Variants in FAM81A observed in about 807,000 individuals in gnomAD.
FAM81A encodes the protein protein FAM81A.
A neutral mutation model predicts 46.7 loss-of-function variants in FAM81A; 19 were observed. That is an observed-to-expected ratio of 0.41 (90% confidence interval 0.28 to 0.60). FAM81A has a LOEUF of 0.60. Ranked by LOEUF, FAM81A falls within the 20% of genes least tolerant of loss-of-function variation. The pLI, the probability that FAM81A is intolerant of heterozygous loss-of-function variation, is 0.34. For missense variants in FAM81A, 377 were observed against 453.5 expected, an observed-to-expected ratio of 0.83 and a Z score of 1.53; for synonymous variants, 183 against 152.9, an observed-to-expected ratio of 1.20 and a Z score of -1.45.
chr15:59,439,315 C>A (rs1305911810), intron 1 of FAM81A, among the ~76,000 whole-genome samples: 1 of 151,690 alleles, frequency 6.6e-6, no homozygotes, highest in African/African-American at 2.4e-5. Context: ...TAAATATATT[C>A]TTTATTGAGA....
chr15:59,508,883 A>G lies in FAM81A; in HGVS notation c.564A>G (p.Arg188=), dbSNP rs1405083859. 2 of 1,613,138 alleles carry G rather than the reference A, an allele frequency of 1.2e-6. No homozygotes were observed. The highest frequency in any genetic ancestry group is 2.7e-5 in the African/African-American group (2 of 74,928). The change falls in exon 6 of 9, where the codon AGA becomes AGG. Residue 188 remains arginine, a synonymous_variant. Transcript: ENST00000288228. ...AEGQISQLLN[R]VDLSISEQST... is the part of the protein sequence containing the mutation. ...TCCAGATTTCTCAGCTTTTGAACAG[A>G]GTGGACTTGTCAATATCAGAGCAGA...
chr15:59,427,109 T>C (rs1325248523), intron 2 of FAM81A, among the ~76,000 whole-genome samples: 3 of 152,172 alleles, frequency 2.0e-5, no homozygotes, highest in African/African-American at 7.2e-5. Context: ...TTTTATTTTA[T>C]TTTATTTTTT....
At chr15:59,515,416 G>C (rs1341376894) in intron 7 of FAM81A, among the ~76,000 whole-genome samples, 1 of 152,124 alleles carries the variant, frequency 6.6e-6, no homozygotes, top group African/African-American at 2.4e-5. Flanking sequence ...GAGCTGAAAT[G>C]ACTGGTGCAG....
intron 4 of FAM81A, among the ~76,000 whole-genome samples, chr15:59,506,667 C>T (rs1008662625): frequency 6.6e-6 from 1 of 152,222 alleles, no homozygotes; most frequent in Non-Finnish European, 1.5e-5. Flanking sequence ...GCCACACATA[C>T]TTTGAGTACC....
At chr15:59,480,225 G>A (rs2081832563) in intron 3 of FAM81A, among the ~76,000 whole-genome samples, 1 of 152,152 alleles carries the variant, frequency 6.6e-6, no homozygotes, top group Non-Finnish European at 1.5e-5. Context: ...CTTATAATTC[G>A]CTGCTCTGCT....
At chr15:59,453,836 G>T (rs1321956493) in intron 1 of FAM81A, among the ~76,000 whole-genome samples, 2 of 152,110 alleles carry the variant, frequency 1.3e-5, no homozygotes, top group African/African-American at 4.8e-5. Flanking sequence ...AATGAGAAGT[G>T]CTAGGTGAAT....
chr15:59,520,334 A>G (rs2082314696), intron 8 of FAM81A, among the ~76,000 whole-genome samples: 1 of 152,052 alleles, frequency 6.6e-6, no homozygotes, highest in African/African-American at 2.4e-5. Context: ...TAGCCATCCT[A>G]ACAGGTGTGA....
In FAM81A at chr15:59,507,262, G is replaced by C. The variant is rs374349854; in HGVS notation, c.463G>C (p.Glu155Gln). 3.1e-6 allele frequency: 5 copies of C among 1,611,944 alleles called. No individual in the cohort carries two copies. The highest frequency in any genetic ancestry group is 4.2e-6 in the Non-Finnish European group (5 of 1,179,054). ...RLSAEHKTTY[E>Q]GLQHLNKEQQ... Reference sequence around the variant, plus strand: ...TTCTGCAGAGCACAAAACGACCTATGAGGGGCTCCAGCACTTGAACAAAGA... The same window carrying C: ...TTCTGCAGAGCACAAAACGACCTATCAGGGGCTCCAGCACTTGAACAAAGA... Residue 155 changes from glutamate to glutamine, a missense_variant, in exon 5 of 9, where the codon GAG (glutamate) becomes CAG (glutamine). Coordinates refer to ENST00000288228, the MANE Select transcript of FAM81A (RefSeq NM_152450.3).
In FAM81A at chr15:59,496,363, T is replaced by C. The variant is rs371120812; in HGVS notation, c.413+3974T>C. On this transcript the variant is annotated intron_variant, in intron 4 of 8. Coordinates refer to ENST00000288228, the MANE Select transcript of FAM81A (RefSeq NM_152450.3). ...GGCTCACGCCTGTAATCCCAGTGCA[T>C]TGGGAGGCCGAGGCGGGCAGATCAG... Among the ~76,000 whole-genome samples the C allele has an allele frequency of 5.9e-5, 9 of 152,288 alleles. No individual in the cohort carries two copies. In the South Asian group the frequency reaches 1.7e-3, roughly 28 times the overall value.
intron 2 of FAM81A, among the ~76,000 whole-genome samples, chr15:59,412,063 G>A (rs2081123212): frequency 6.6e-6 from 1 of 151,946 alleles, no homozygotes; most frequent in South Asian, 2.1e-4. Context: ...GATAGAGTGA[G>A]GTGGGAGGGG....
intron 1 of FAM81A, among the ~76,000 whole-genome samples, chr15:59,443,576 G>A (rs1256487228): frequency 1.3e-5 from 2 of 152,174 alleles, no homozygotes; most frequent in African/African-American, 4.8e-5. Context: ...GGCCTTGTCT[G>A]ATGTTTCTCA....
intron 1 of FAM81A, among the ~76,000 whole-genome samples, chr15:59,449,443 G>A (rs1361480015): frequency 6.6e-6 from 1 of 152,170 alleles, no homozygotes; most frequent in African/African-American, 2.4e-5. Flanking sequence ...ATCTTGAGAT[G>A]TTACAGATTT....
rs1317048321 is a variant in FAM81A, at chr15:59,508,882, G to C, written c.563G>C (p.Arg188Thr). 3 of 1,613,112 alleles carry C rather than the reference G, an allele frequency of 1.9e-6. No individual in the cohort carries two copies. Among genetic ancestry groups the C allele is most frequent in the Non-Finnish European group, 2.5e-6 (3 of 1,179,410 alleles). The stretch of plus-strand genomic sequence containing the variant: ...TTCCAGATTTCTCAGCTTTTGAACA[G>C]AGTGGACTTGTCAATATCAGAGCAG... ...AEGQISQLLN[R>T]VDLSISEQST... Residue 188 changes from arginine to threonine, a missense_variant, in exon 6 of 9, where the codon AGA (arginine) becomes ACA (threonine). Coordinates refer to ENST00000288228, the MANE Select transcript of FAM81A (RefSeq NM_152450.3).
At chr15:59,406,911 A>G (rs1360841890) in intron 2 of FAM81A, 1 of 148,290 alleles carries the variant, frequency 6.7e-6, no homozygotes, top group African/African-American at 2.5e-5. Flanking sequence ...TTTAAGGAGA[A>G]TTTGTATTAT....
At chr15:59,472,220 A>C (rs2081702905) in intron 3 of FAM81A, among the ~76,000 whole-genome samples, 1 of 152,092 alleles carries the variant, frequency 6.6e-6, no homozygotes, top group Non-Finnish European at 1.5e-5. Context: ...TCATACCTGT[A>C]ATCCCAGTGC....
At chr15:59,502,896 T>C (rs1383797415) in intron 4 of FAM81A, among the ~76,000 whole-genome samples, 3 of 152,054 alleles carry the variant, frequency 2.0e-5, no homozygotes, top group Admixed American at 2.0e-4. Context: ...CTTCTTTTTT[T>C]ACAAAAGTAC....
chr15:59,422,468 T>C (rs1178738112), intron 2 of FAM81A, among the ~76,000 whole-genome samples: 1 of 152,068 alleles, frequency 6.6e-6, no homozygotes, highest in Non-Finnish European at 1.5e-5. Flanking sequence ...TTCTTTCTTT[T>C]TATTTTATTT....
At chr15:59,503,007 G>A (rs540284647) in intron 4 of FAM81A, among the ~76,000 whole-genome samples, 2 of 151,992 alleles carry the variant, frequency 1.3e-5, no homozygotes, top group Non-Finnish European at 2.9e-5. Context: ...TTGGGAGGCC[G>A]AGGTGGGTGG....
chr15:59,400,106 C>G (rs2081063877), intron 1 of FAM81A, among the ~76,000 whole-genome samples: 2 of 152,078 alleles, frequency 1.3e-5, no homozygotes, highest in African/African-American at 2.4e-5. Context: ...AACTGGGAAA[C>G]AGGCCAGAGG....
Sources: allele counts gnomAD v4.1 joint callset (sites outside exome capture counted in the v4.1 genomes callset), GRCh38; gene constraint gnomAD v4.1.1; transcripts MANE v1.5; gene names NCBI Gene and HGNC (gene_info 2026-07-23, HGNC 2026-07-21).